The following FAM227B variants were observed in gnomAD, a reference collection of about 807,000 sequenced individuals.
The protein encoded by FAM227B is family with sequence similarity 227 member B.
In FAM227B, 88 loss-of-function variants were observed where a neutral mutation model predicts 73.8. That is an observed-to-expected ratio of 1.19 (90% CI 1.00 to 1.42). FAM227B has a LOEUF of 1.42. Ranked by LOEUF, FAM227B falls within the 40% of genes most tolerant of loss-of-function variation. FAM227B has a pLI of 0.00. For synonymous variants in FAM227B, 210 were observed against 190.5 expected, an observed-to-expected ratio of 1.10 and a Z score of -0.84; for missense variants, 632 against 590.9, an observed-to-expected ratio of 1.07 and a Z score of -0.72.
At chr15:49,379,548 C>G (rs1234721628) in intron 11 of FAM227B, among the ~76,000 whole-genome samples, 4 of 152,132 alleles carry the variant, frequency 2.6e-5, no homozygotes, top group Non-Finnish European at 5.9e-5. Context: ...ATTTGATTTT[C>G]CAATGTATTG....
intron 10 of FAM227B, among the ~76,000 whole-genome samples, chr15:49,534,683 G>A (rs1010800056): frequency 6.6e-6 from 1 of 151,410 alleles, no homozygotes; most frequent in Non-Finnish European, 1.5e-5. Flanking sequence ...ACATTCTCTA[G>A]GATAGACCAT....
intron 3 of FAM227B, among the ~76,000 whole-genome samples, chr15:49,600,817 C>A (rs866107483): frequency 6.6e-6 from 1 of 151,294 alleles, no homozygotes. Flanking sequence ...TTGAGGTGGG[C>A]GAATTACCAG....
chr15:49,542,222 C>T (rs191986344), intron 9 of FAM227B, among the ~76,000 whole-genome samples: 2,392 of 152,056 alleles, frequency 0.016, 17 homozygotes, highest in Middle Eastern at 0.034. Context: ...CAGATTATTT[C>T]TTTTTATAAA....
Position 49,328,054 on chromosome 15 carries a change from G to T in FAM227B, c.*514C>A, listed in dbSNP as rs760127486. On this transcript the variant is annotated 3_prime_UTR_variant, in exon 16 of 16. Coordinates refer to ENST00000299338, the MANE Select transcript of FAM227B (RefSeq NM_152647.3). The stretch of plus-strand genomic sequence containing the variant: ...AGCTGCCCAGCTTTCTAGCAAATGT[G>T]CACAAAGCTTATTACCAGAGGAGTG... The T allele has an allele frequency of 5.6e-6, 9 of 1,614,052 alleles. No individual in the cohort carries two copies. In the South Asian group the frequency reaches 9.9e-5, roughly 18 times the overall value.
At chr15:49,478,410 G>T (rs1424966923) in intron 11 of FAM227B, among the ~76,000 whole-genome samples, 1 of 151,298 alleles carries the variant, frequency 6.6e-6, no homozygotes, top group Non-Finnish European at 1.5e-5. Flanking sequence ...TTGCATATAT[G>T]TATATGTCGG....
At chr15:49,472,579 A>G (rs1432367081) in intron 11 of FAM227B, among the ~76,000 whole-genome samples, 2 of 152,210 alleles carry the variant, frequency 1.3e-5, no homozygotes, top group Non-Finnish European at 2.9e-5. Flanking sequence ...AGGAGAGAAT[A>G]AAAGTTGGGA....
intron 11 of FAM227B, among the ~76,000 whole-genome samples, chr15:49,437,451 G>C (rs2051209561): frequency 6.6e-6 from 1 of 151,426 alleles, no homozygotes; most frequent in Admixed American, 6.6e-5. Flanking sequence ...AAAAGTAAGA[G>C]GCAAAAGAAA....
At chr15:49,450,155 C>G (rs986532774) in intron 11 of FAM227B, among the ~76,000 whole-genome samples, 2 of 151,954 alleles carry the variant, frequency 1.3e-5, no homozygotes, top group African/African-American at 4.8e-5. Context: ...AAGAAATTTG[C>G]AATAATGGAA....
intron 13 of FAM227B, among the ~76,000 whole-genome samples, chr15:49,340,255 A>G (rs1198351137): frequency 6.6e-6 from 1 of 152,144 alleles, no homozygotes; most frequent in African/African-American, 2.4e-5. Flanking sequence ...TATAGGCTCC[A>G]GAGGGGATTC....
chr15:49,370,630 T>A (rs1380504928), intron 12 of FAM227B, among the ~76,000 whole-genome samples: 1 of 152,238 alleles, frequency 6.6e-6, no homozygotes, highest in Non-Finnish European at 1.5e-5. Context: ...GCATAATTTT[T>A]AATTTTAAAT....
At position 49,573,829 on chromosome 15, in the gene FAM227B, CCTTA is replaced by C. The variant is rs374068674; in HGVS notation, c.645+1178_645+1181del. Among the ~76,000 whole-genome samples, 18 of 152,246 alleles carry C rather than the reference CCTTA, an allele frequency of 1.2e-4. No individual in the cohort carries two copies. In the East Asian group the frequency reaches 2.9e-3, roughly 24 times the overall value. On this transcript the variant is annotated intron_variant, in intron 8 of 15. Transcript: ENST00000299338. Reference sequence around the variant, plus strand: ...TCAAGCCTTCTATATCATACTGTATCCTTACTGATTTTCTGTATATTCTACCAAC... The same window carrying C: ...TCAAGCCTTCTATATCATACTGTATCCTGATTTTCTGTATATTCTACCAAC...
intron 13 of FAM227B, among the ~76,000 whole-genome samples, chr15:49,347,902 C>T (rs939248703): frequency 6.6e-6 from 1 of 151,582 alleles, no homozygotes; most frequent in African/African-American, 2.4e-5. Flanking sequence ...GCCTGTAGTC[C>T]CAGCTACTCG....
intron 11 of FAM227B, among the ~76,000 whole-genome samples, chr15:49,446,117 T>A (rs112326311): frequency 1.3e-5 from 2 of 151,540 alleles, no homozygotes; most frequent in African/African-American, 4.8e-5. Context: ...GATGAAGTAA[T>A]TAGTGTATTA....
intron 13 of FAM227B, among the ~76,000 whole-genome samples, chr15:49,360,458 C>T (rs1291545036): frequency 2.0e-5 from 3 of 152,160 alleles, no homozygotes; most frequent in South Asian, 4.2e-4. Flanking sequence ...TCTGAGTTTT[C>T]AATTTTTTAA....
chr15:49,327,050 T>C lies in FAM227B; in HGVS notation c.*1518A>G, dbSNP rs1177490797. 6.6e-6 allele frequency: 1 copy of C among 152,204 alleles called. No individual in the cohort carries two copies. Among genetic ancestry groups the C allele is most frequent in the Non-Finnish European group, 1.5e-5 (1 of 68,028 alleles). 9.4% of individuals were successfully genotyped at this position (152,204 alleles called of 1,614,324 possible). ...ATTAATTGTAAGTACATGTTAACTT[T>C]CGTGTCAGGATAAATTGCATCTTTT... On this transcript the variant is annotated 3_prime_UTR_variant, in exon 16 of 16. Coordinates refer to ENST00000299338, the MANE Select transcript of FAM227B (RefSeq NM_152647.3).
At chr15:49,347,008 A>G (rs2041601433) in intron 13 of FAM227B, among the ~76,000 whole-genome samples, 1 of 152,178 alleles carries the variant, frequency 6.6e-6, no homozygotes, top group Non-Finnish European at 1.5e-5. Flanking sequence ...CATGTGACTT[A>G]CTCTATAGGA....
intron 9 of FAM227B, among the ~76,000 whole-genome samples, chr15:49,552,376 T>C (rs2073135224): frequency 7.5e-6 from 1 of 133,468 alleles, no homozygotes; most frequent in Admixed American, 7.8e-5. Context: ...TTATTGTATG[T>C]TGTTTCTTTC....
intron 11 of FAM227B, among the ~76,000 whole-genome samples, chr15:49,394,473 G>A (rs1228210960): frequency 6.6e-6 from 1 of 152,104 alleles, no homozygotes; most frequent in African/African-American, 2.4e-5. Flanking sequence ...CTAGGTGCAT[G>A]GGAGAAATAA....
intron 12 of FAM227B, among the ~76,000 whole-genome samples, chr15:49,370,260 C>T (rs1438813267): frequency 6.6e-6 from 1 of 152,218 alleles, no homozygotes; most frequent in East Asian, 1.9e-4. Context: ...TTTCCAATTT[C>T]TATCTGTTAG....
Sources: allele counts gnomAD v4.1 joint callset (sites outside exome capture counted in the v4.1 genomes callset), GRCh38; gene constraint gnomAD v4.1.1; transcripts MANE v1.5; gene names NCBI Gene and HGNC (gene_info 2026-07-23, HGNC 2026-07-21).